The following SCHIP1 variants were observed in gnomAD, a reference collection of about 807,000 sequenced individuals.
SCHIP1 encodes schwannomin-interacting protein 1.
SCHIP1 carries 8 observed loss-of-function variants against 29.7 expected under a neutral mutation model. The ratio of observed to expected loss-of-function variants is 0.27; its 90% CI spans 0.16 to 0.49. The LOEUF is 0.49. Ranked by LOEUF, SCHIP1 falls within the 20% of genes least tolerant of loss-of-function variation. The pLI, the probability that SCHIP1 is intolerant of heterozygous loss-of-function variation, is 0.99. For synonymous variants in SCHIP1, 76 were observed against 94.9 expected, an observed-to-expected ratio of 0.80 and a Z score of 1.16; for missense variants, 193 against 294.6, an observed-to-expected ratio of 0.66 and a Z score of 2.52.
the SCHIP1 span, among the ~76,000 whole-genome samples, chr3:159,646,810 T>G: frequency 6.6e-6 from 1 of 152,020 alleles, no homozygotes; most frequent in African/African-American, 2.4e-5. Context: ...AGTAATCCAG[T>G]AATCCAAGGA....
At chr3:159,406,236 C>T in the SCHIP1 span, among the ~76,000 whole-genome samples, 3 of 151,944 alleles carry the variant, frequency 2.0e-5, no homozygotes, top group East Asian at 1.9e-4. Flanking sequence ...AGAAAAGAAA[C>T]GAATAACATA....
chr3:159,840,164 T>C (rs13064339), exon 1 of SCHIP1: 229,222 of 1,535,348 alleles, frequency 0.15, 18,247 homozygotes, highest in Middle Eastern at 0.24. Flanking sequence ...CGTTGGGGTC[T>C]GCGCCCTAGG....
chr3:159,438,089 C>A, the SCHIP1 span, among the ~76,000 whole-genome samples: 1 of 152,152 alleles, frequency 6.6e-6, no homozygotes, highest in Admixed American at 6.6e-5. Flanking sequence ...TATGAGTCTT[C>A]ATTCTCACTC....
the SCHIP1 span, among the ~76,000 whole-genome samples, chr3:159,326,160 A>G: frequency 6.6e-6 from 1 of 152,136 alleles, no homozygotes. Context: ...TTAGGATTAA[A>G]TTAAAATCCA....
chr3:159,773,531 T>C, the SCHIP1 span, among the ~76,000 whole-genome samples: 40 of 152,344 alleles, frequency 2.6e-4, no homozygotes, highest in Middle Eastern at 0.024. Context: ...TTGTTTTTTT[T>C]TTCTTTTAAA....
the SCHIP1 span, among the ~76,000 whole-genome samples, chr3:159,505,871 T>C: frequency 1.3e-5 from 2 of 152,238 alleles, no homozygotes; most frequent in African/African-American, 4.8e-5. Context: ...CAGTCTATCA[T>C]TGTTGGGCAT....
chr3:159,385,073 G>A, the SCHIP1 span, among the ~76,000 whole-genome samples: 19 of 152,100 alleles, frequency 1.2e-4, no homozygotes, highest in East Asian at 5.8e-4. Flanking sequence ...CTCAGGAGCC[G>A]GGAATTGTAA....
the SCHIP1 span, among the ~76,000 whole-genome samples, chr3:159,565,659 T>C: frequency 4.0e-5 from 6 of 148,972 alleles, no homozygotes; most frequent in Non-Finnish European, 9.0e-5. Flanking sequence ...TTAACACTAA[T>C]AGCCAGATGT....
the SCHIP1 span, among the ~76,000 whole-genome samples, chr3:159,327,620 C>A: frequency 5.3e-5 from 8 of 152,104 alleles, no homozygotes; most frequent in Non-Finnish European, 1.0e-4. Flanking sequence ...CTGTCATTTG[C>A]TAGCAAGCCC....
chr3:159,701,511 T>C, the SCHIP1 span, among the ~76,000 whole-genome samples: 1 of 152,238 alleles, frequency 6.6e-6, no homozygotes, highest in Admixed American at 6.5e-5. Context: ...TTGGATGATC[T>C]TGATTCTTTA....
the SCHIP1 span, among the ~76,000 whole-genome samples, chr3:159,832,087 T>C: frequency 6.6e-6 from 1 of 152,108 alleles, no homozygotes; most frequent in Non-Finnish European, 1.5e-5. Context: ...CTACAAAATC[T>C]CTTGGAAAGA....
chr3:159,694,274 C>G, the SCHIP1 span, among the ~76,000 whole-genome samples: 1 of 148,042 alleles, frequency 6.8e-6, no homozygotes, highest in South Asian at 2.1e-4. Flanking sequence ...AATCACAGCA[C>G]TTTGGGAGGC....
At chr3:159,403,147 A>T in the SCHIP1 span, among the ~76,000 whole-genome samples, 1 of 152,140 alleles carries the variant, frequency 6.6e-6, no homozygotes, top group Admixed American at 6.6e-5. Context: ...GGGCAAATAA[A>T]ATGTAGGGAT....
chr3:159,613,143 C>T, the SCHIP1 span, among the ~76,000 whole-genome samples: 1 of 152,026 alleles, frequency 6.6e-6, no homozygotes, highest in African/African-American at 2.4e-5. Context: ...TGATAAATAA[C>T]AAAAAAATTG....
At chr3:159,302,638 G>T in the SCHIP1 span, among the ~76,000 whole-genome samples, 5 of 152,170 alleles carry the variant, frequency 3.3e-5, no homozygotes, top group Admixed American at 2.6e-4. Context: ...TAGGTTTGTA[G>T]ATTCGAGTTT....
chr3:159,291,020 G>A, the SCHIP1 span, among the ~76,000 whole-genome samples: 2,163 of 152,094 alleles, frequency 0.014, 45 homozygotes, highest in African/African-American at 0.05. Context: ...ACAGAAATTA[G>A]TGCACCTAGT....
At chr3:159,397,525 G>A in the SCHIP1 span, among the ~76,000 whole-genome samples, 1 of 152,162 alleles carries the variant, frequency 6.6e-6, no homozygotes, top group South Asian at 2.1e-4. Context: ...CTGTTTGTTA[G>A]TTTTCCTTCT....
At chr3:159,619,678 G>T in the SCHIP1 span, among the ~76,000 whole-genome samples, 4 of 152,314 alleles carry the variant, frequency 2.6e-5, no homozygotes, top group East Asian at 3.9e-4. Flanking sequence ...TTCTGTAGCT[G>T]GGGAAACTGT....
chr3:159,663,850 C>T, the SCHIP1 span, among the ~76,000 whole-genome samples: 10 of 152,068 alleles, frequency 6.6e-5, no homozygotes, highest in African/African-American at 2.4e-4. Flanking sequence ...CCAGCAGTTC[C>T]TCGCTCACAA....
Sources: gnomAD v4.1 joint callset for allele counts (sites outside exome capture counted in the v4.1 genomes callset) on GRCh38, gnomAD v4.1.1 for gene constraint, MANE v1.5 for transcripts, NCBI Gene and HGNC (gene_info 2026-07-23, HGNC 2026-07-21) for gene names.